The following SYNPR variants were observed in gnomAD, a reference collection of about 807,000 sequenced individuals.
SYNPR encodes the protein synaptoporin.
Under a neutral mutation model 32.9 loss-of-function variants are expected in SYNPR, and 23 were observed. That is an observed-to-expected ratio of 0.70 (90% CI 0.50 to 0.99). The LOEUF (loss-of-function observed/expected upper bound fraction) is 0.99, where lower values mean the gene tolerates loss of function less well. Among genes scored for constraint, SYNPR ranks in the 50% least tolerant of loss-of-function variants. SYNPR has a pLI of 0.00. For missense variants in SYNPR, 318 were observed against 349.3 expected, an observed-to-expected ratio of 0.91 and a Z score of 0.71; for synonymous variants, 146 against 135.9, an observed-to-expected ratio of 1.07 and a Z score of -0.52.
At chr3:63,510,144 TA>T (rs1395467343) in intron 3 of SYNPR, among the ~76,000 whole-genome samples, 1 of 152,100 alleles carries the variant, frequency 6.6e-6, no homozygotes, top group East Asian at 1.9e-4. Flanking sequence ...AAAATTACCT[TA>T]ATTTGAAAGG....
chr3:63,609,387 T>C, intron 5 of SYNPR, 71 bp downstream of exon 5: 1 of 1,336,350 alleles, frequency 7.5e-7, no homozygotes, highest in Non-Finnish European at 9.9e-7. Flanking sequence ...GAAAAACATC[T>C]CAGAAGTCAT....
At chr3:63,401,126 T>C (rs1417608953) in intron 2 of SYNPR, among the ~76,000 whole-genome samples, 1 of 150,848 alleles carries the variant, frequency 6.6e-6, no homozygotes, top group Non-Finnish European at 1.5e-5. Context: ...ATAATGCAGG[T>C]GGGAAAAGGA....
At chr3:63,245,904 C>T (rs774177232) in intron 1 of SYNPR, among the ~76,000 whole-genome samples, 18 of 152,086 alleles carry the variant, frequency 1.2e-4, no homozygotes, top group African/African-American at 3.9e-4. Context: ...GATTAAAGCA[C>T]GACCTCTGAG....
intron 2 of SYNPR, among the ~76,000 whole-genome samples, chr3:63,294,475 C>A (rs910802801): frequency 6.6e-6 from 1 of 152,128 alleles, no homozygotes; most frequent in African/African-American, 2.4e-5. Flanking sequence ...ATGAACAGAA[C>A]GGATTCATAA....
intron 2 of SYNPR, among the ~76,000 whole-genome samples, chr3:63,429,468 ACATTTT>A (rs1699947007): frequency 6.6e-6 from 1 of 152,212 alleles, no homozygotes; most frequent in Non-Finnish European, 1.5e-5. Flanking sequence ...TAGGACTGCA[ACATTTT>A]AGCCATCTTT....
chr3:63,337,278 T>C (rs1443143979), intron 2 of SYNPR, among the ~76,000 whole-genome samples: 1 of 146,700 alleles, frequency 6.8e-6, no homozygotes, highest in Non-Finnish European at 1.5e-5. Context: ...TAAAATGTCA[T>C]TATAGAACTG....
intron 1 of SYNPR, among the ~76,000 whole-genome samples, chr3:63,246,885 T>C (rs2086295779): frequency 1.3e-5 from 2 of 152,104 alleles, no homozygotes; most frequent in Non-Finnish European, 2.9e-5. Flanking sequence ...CTACACAATA[T>C]TGATTTATAC....
At chr3:63,313,555 G>A (rs1330072176) in intron 2 of SYNPR, among the ~76,000 whole-genome samples, 1 of 148,572 alleles carries the variant, frequency 6.7e-6, no homozygotes, top group Non-Finnish European at 1.5e-5. Context: ...TCCTTTTTAT[G>A]GCTGCATAGT....
At chr3:63,395,681 A>G (rs567218421) in intron 2 of SYNPR, among the ~76,000 whole-genome samples, 1 of 152,314 alleles carries the variant, frequency 6.6e-6, no homozygotes, top group African/African-American at 2.4e-5. Flanking sequence ...GCTATGATAG[A>G]TAACAAACCT....
At chr3:63,290,072 G>C (rs1479007361) in intron 2 of SYNPR, among the ~76,000 whole-genome samples, 1 of 151,032 alleles carries the variant, frequency 6.6e-6, no homozygotes, top group Non-Finnish European at 1.5e-5. Context: ...AGAGCTTGCA[G>C]TGAGCAGAGA....
chr3:63,341,169 T>G (rs553874583), intron 2 of SYNPR, among the ~76,000 whole-genome samples: 2 of 152,344 alleles, frequency 1.3e-5, no homozygotes, highest in South Asian at 4.1e-4. Flanking sequence ...CTTCTTTCAT[T>G]TGGCAATATG....
chr3:63,492,166 G>C (rs552424860), intron 3 of SYNPR, among the ~76,000 whole-genome samples: 154 of 152,242 alleles, frequency 1.0e-3, no homozygotes, highest in Non-Finnish European at 8.2e-4. Flanking sequence ...TCTCCCACCA[G>C]AGCTTCCTAA....
intron 3 of SYNPR, among the ~76,000 whole-genome samples, chr3:63,269,239 A>G (rs1327035107): frequency 2.0e-5 from 3 of 152,244 alleles, no homozygotes; most frequent in Non-Finnish European, 4.4e-5. Flanking sequence ...CTGTAATTTC[A>G]GCACTTTGGG....
At chr3:63,357,303 A>G (rs2087595876) in intron 2 of SYNPR, among the ~76,000 whole-genome samples, 3 of 150,404 alleles carry the variant, frequency 2.0e-5, no homozygotes, top group Admixed American at 6.7e-5. Context: ...AGGAATCTCC[A>G]TTTGTGCCCT....
At position 63,527,095 on chromosome 3, in the gene SYNPR, A is replaced by G. The variant is rs564456942; in HGVS notation, c.210-29448A>G. Among the ~76,000 whole-genome samples the G allele has an allele frequency of 3.3e-5, 5 of 152,310 alleles. No individual in the cohort carries two copies. The East Asian group carries it at 9.7e-4, about 29-fold the overall frequency. On this transcript the variant is annotated intron_variant, in intron 3 of 5. Coordinates refer to ENST00000478300, the MANE Select transcript of SYNPR (RefSeq NM_001130003.2). Reference sequence around the variant, plus strand: ...GCTCTGAAGAACAGGGACAATTTGAATAGGCAGAAATGGTGGACAAGGCAA... The same window carrying G: ...GCTCTGAAGAACAGGGACAATTTGAGTAGGCAGAAATGGTGGACAAGGCAA...
At chr3:63,386,003 G>A (rs959842699) in intron 2 of SYNPR, among the ~76,000 whole-genome samples, 1 of 152,210 alleles carries the variant, frequency 6.6e-6, no homozygotes, top group African/African-American at 2.4e-5. Context: ...GGGTAATTCT[G>A]AATAGCTAGA....
intron 2 of SYNPR, among the ~76,000 whole-genome samples, chr3:63,294,238 G>A (rs868772397): frequency 6.6e-6 from 1 of 152,180 alleles, no homozygotes; most frequent in Middle Eastern, 3.4e-3. Context: ...TATTAACTTA[G>A]ATGTAGAATT....
At chr3:63,487,486 A>C (rs1559514012) in intron 3 of SYNPR, among the ~76,000 whole-genome samples, 1 of 152,228 alleles carries the variant, frequency 6.6e-6, no homozygotes, top group Non-Finnish European at 1.5e-5. Flanking sequence ...AGGGCAATTA[A>C]AAATCAACTA....
chr3:63,256,086 T>G (rs2086380047), intron 2 of SYNPR, among the ~76,000 whole-genome samples: 1 of 152,138 alleles, frequency 6.6e-6, no homozygotes, highest in African/African-American at 2.4e-5. Flanking sequence ...TCCAACTGGG[T>G]GGAGCCCACC....
Sources: allele counts gnomAD v4.1 joint callset (sites outside exome capture counted in the v4.1 genomes callset), GRCh38; gene constraint gnomAD v4.1.1; transcripts MANE v1.5; gene names NCBI Gene and HGNC (gene_info 2026-07-23, HGNC 2026-07-21).